DNAH10: variants seen among roughly 807,000 people sequenced by gnomAD.
The protein encoded by DNAH10 is dynein axonemal heavy chain 10.
A neutral mutation model predicts 506.6 loss-of-function variants in DNAH10; 348 were observed. The observed-to-expected ratio is 0.69, with a 90% CI of 0.63 to 0.75. DNAH10 has a LOEUF of 0.75. Ranked by LOEUF, DNAH10 falls within the 30% of genes least tolerant of loss-of-function variation. The pLI, the probability that DNAH10 is intolerant of heterozygous loss-of-function variation, is 0.00. For missense variants in DNAH10, 5,179 were observed against 5,787.1 expected, an observed-to-expected ratio of 0.89 and a Z score of 3.41; for synonymous variants, 2,059 against 2,198.6, an observed-to-expected ratio of 0.94 and a Z score of 1.78.
Position 123,762,558 on chromosome 12 carries a change from T to C in DNAH10, c.214+8T>C. The C allele has an allele frequency of 6.5e-7, 1 of 1,549,304 alleles. No individual in the cohort carries two copies. The highest frequency in any genetic ancestry group is 8.7e-7 in the Non-Finnish European group (1 of 1,148,452). ...AGGTGGAGGTGGAGATTGGTGAGCC[T>C]CGACGCGCCGCTCCCTTCCCCGGGC... On this transcript the variant is annotated splice_region_variant and intron_variant, in intron 1 of 78. Transcript: ENST00000673944. The surrounding 1 kb of genome is among the most constrained non-coding windows in gnomAD (Gnocchi z 5.0).
At chr12:123,795,246 A>T (rs1188935104) in intron 12 of DNAH10, among the ~76,000 whole-genome samples, 1 of 152,058 alleles carries the variant, frequency 6.6e-6, no homozygotes, top group Non-Finnish European at 1.5e-5. Flanking sequence ...AAGGTAGTAT[A>T]AAAAAAGGCC....
rs1221333769 is a variant in DNAH10, at chr12:123,848,768, G to C, written c.5988G>C (p.Gly1996=). 6.2e-7 allele frequency: 1 copy of C among 1,613,862 alleles called. No homozygotes were observed. Among genetic ancestry groups the C allele is most frequent in the Non-Finnish European group, 8.5e-7 (1 of 1,179,888 alleles). Residue 1996 remains glycine (G), a synonymous_variant, in exon 34 of 79, where the codon GGG becomes GGC. Coordinates refer to ENST00000673944, the MANE Select transcript of DNAH10 (RefSeq NM_001372106.1). The part of the protein sequence containing the change: ...GKIFSGLAQC[G]AWGCFDEFNR... ...TTTTCTCTGGCCTGGCACAGTGCGG[G>C]GCTTGGGGCTGCTTTGATGAGTTTA...
intron 2 of DNAH10, among the ~76,000 whole-genome samples, chr12:123,770,416 A>G (rs1486141172): frequency 6.7e-6 from 1 of 148,912 alleles, no homozygotes; most frequent in Non-Finnish European, 1.5e-5. Context: ...ATTAGAGACT[A>G]CTCTAATGCT....
In DNAH10 at chr12:123,928,844, A is replaced by T; in HGVS notation, c.12306+257A>T. On this transcript the variant is annotated intron_variant, in intron 70 of 78. Transcript: ENST00000673944. This position sits in a 1 kb window ranked among gnomAD's most constrained non-coding sequence, Gnocchi z 4.9. ...CCTAACAATATCTACGCTACTTTTCATAAACTTCACGGCCCCCCCCCCCAC... is the reference window on the plus strand; with the variant it reads ...CCTAACAATATCTACGCTACTTTTCTTAAACTTCACGGCCCCCCCCCCCAC... The T allele has an allele frequency of 1.9e-6, 1 of 514,676 alleles. No homozygotes were observed. Among genetic ancestry groups the T allele is most frequent in the South Asian group, 2.7e-5 (1 of 36,496 alleles). 31.9% of individuals were successfully genotyped at this position (514,676 alleles called of 1,614,324 possible). A position where few individuals can be genotyped will look rare whatever the true frequency, so the allele number is the denominator to read the frequency against.
rs912242569 is a variant in DNAH10 at position 123,853,940 on chromosome 12, GCACA to G, written c.6438+599_6438+602del. On this transcript the variant is annotated intron_variant, in intron 36 of 78. Transcript: ENST00000673944. The surrounding 1 kb of genome is among the most constrained non-coding windows in gnomAD (Gnocchi z 4.7). ...TACGCACACGCACGCACACGCACAC[GCACA>G]CACACACACATTTGGGTAGTAAAAA... 4.7e-5 allele frequency among the ~76,000 whole-genome samples: 7 copies of G among 149,358 alleles called. No individual in the cohort carries two copies. The highest frequency in any genetic ancestry group is 9.9e-5 in the African/African-American group (4 of 40,560).
chr12:123,918,286 T>C (rs1836076717), intron 64 of DNAH10, among the ~76,000 whole-genome samples: 1 of 152,230 alleles, frequency 6.6e-6, no homozygotes, highest in African/African-American at 2.4e-5. Context: ...ATCTTCCTGT[T>C]CCTACCGTGA....
At chr12:123,809,212 A>G (rs575979796) in intron 19 of DNAH10, among the ~76,000 whole-genome samples, 1 of 152,116 alleles carries the variant, frequency 6.6e-6, no homozygotes, top group South Asian at 2.1e-4. Flanking sequence ...AGTCCTCCAA[A>G]CATACTTCCC....
intron 25 of DNAH10, among the ~76,000 whole-genome samples, chr12:123,829,330 C>T (rs543291534): frequency 6.6e-5 from 10 of 151,886 alleles, no homozygotes; most frequent in Admixed American, 3.9e-4. Flanking sequence ...GGCCTTCCAA[C>T]GTCAAAAAGG....
At chr12:123,884,550 G>T (rs1952646966) in intron 51 of DNAH10, among the ~76,000 whole-genome samples, 1 of 152,188 alleles carries the variant, frequency 6.6e-6, no homozygotes, top group Non-Finnish European at 1.5e-5. Flanking sequence ...TACATGGATG[G>T]ATGACAGCAC....
In DNAH10 at chr12:123,850,846, G is replaced by A; in HGVS notation, c.6103-42G>A. 2.5e-6 allele frequency: 4 copies of A among 1,570,552 alleles called. No individual in the cohort carries two copies. The highest frequency in any genetic ancestry group is 1.2e-5 in the South Asian group (1 of 85,442). On this transcript the variant is annotated intron_variant, in intron 34 of 78. Coordinates refer to ENST00000673944, the MANE Select transcript of DNAH10 (RefSeq NM_001372106.1). The surrounding 1 kb of genome is among the most constrained non-coding windows in gnomAD (Gnocchi z 5.5). ...CCTTTCCAAGGGGCTGGCCGGCCGG[G>A]CCACCTAACTGCTTCTTTCTTTCTT...
chr12:123,917,556 G>A lies in DNAH10; in HGVS notation c.11003-28G>A, dbSNP rs1954536866. 1 of 1,542,814 alleles carries A rather than the reference G, an allele frequency of 6.5e-7. No homozygotes were observed. The highest frequency in any genetic ancestry group is 8.8e-7 in the Non-Finnish European group (1 of 1,140,810). ...GAGACTGTTGTTGGGGGCCGCAGGT[G>A]GTGAGGGCCTCTCACTGTCCCCCAC... On this transcript the variant is annotated intron_variant, in intron 63 of 78. Transcript: ENST00000673944. This position sits in a 1 kb window ranked among gnomAD's most constrained non-coding sequence, Gnocchi z 5.6.
intron 72 of DNAH10, 105 bp downstream of exon 72, chr12:123,929,864 C>T (rs1210514405): frequency 1.0e-6 from 1 of 974,696 alleles, no homozygotes; most frequent in East Asian, 2.6e-5. Flanking sequence ...TCTTCTGCCC[C>T]TGTGTTCCCC....
At position 123,846,252 on chromosome 12, in the gene DNAH10, G is replaced by A. The variant is rs1950947416; in HGVS notation, c.5814+98G>A. On this transcript the variant is annotated intron_variant, in intron 32 of 78. Transcript: ENST00000673944. The surrounding 1 kb of genome is among the most constrained non-coding windows in gnomAD (Gnocchi z 4.5). ...ATGACTGCAGTGATTGAAATAGCAG[G>A]GGAGATCATTGCTTTGAAATCTCGA... 1 of 1,365,950 alleles carries A rather than the reference G, an allele frequency of 7.3e-7. No individual in the cohort carries two copies. Among genetic ancestry groups the A allele is most frequent in the African/African-American group, 1.5e-5 (1 of 68,642 alleles). The allele number at this position is 1,365,950 out of a possible 1,614,324, so 84.6% of individuals were successfully genotyped here.
chr12:123,891,829 G>A (rs1411156389), intron 52 of DNAH10, among the ~76,000 whole-genome samples: 1 of 152,204 alleles, frequency 6.6e-6, no homozygotes, highest in Non-Finnish European at 1.5e-5. Context: ...AGGACACAGA[G>A]CAACATCAGC....
chr12:123,814,677 T>G (rs187328398), intron 21 of DNAH10, among the ~76,000 whole-genome samples: 2 of 149,232 alleles, frequency 1.3e-5, no homozygotes, highest in East Asian at 2.0e-4. Context: ...TGCAGTGGCA[T>G]GATCTCGGCT....
chr12:123,934,104 G>T, intron 77 of DNAH10: 1 of 611,282 alleles, frequency 1.6e-6, no homozygotes, highest in Non-Finnish European at 3.0e-6. Flanking sequence ...AGTGGCAGGG[G>T]AGGTGGCAGG....
intron 45 of DNAH10, among the ~76,000 whole-genome samples, chr12:123,872,345 G>A (rs1166086141): frequency 1.3e-5 from 2 of 152,118 alleles, no homozygotes; most frequent in African/African-American, 4.8e-5. Flanking sequence ...TGCACAGGGA[G>A]CATGGCAGTG....
At chr12:123,880,189 G>T (rs975995598) in intron 50 of DNAH10, among the ~76,000 whole-genome samples, 40 of 152,146 alleles carry the variant, frequency 2.6e-4, no homozygotes, top group African/African-American at 9.4e-4. Context: ...AATCTCGATT[G>T]TGAAAGCTAG....
At chr12:123,830,777 T>C in intron 26 of DNAH10, 78 bp downstream of exon 26, 1 of 1,315,606 alleles carries the variant, frequency 7.6e-7, no homozygotes, top group Non-Finnish European at 1.0e-6. Flanking sequence ...AACTCATCTA[T>C]ACTAAAAAAA....
Sources: allele counts gnomAD v4.1 joint callset (sites outside exome capture counted in the v4.1 genomes callset), GRCh38; gene constraint gnomAD v4.1.1; non-coding constraint Gnocchi (gnomAD v3.1); transcripts MANE v1.5; gene names NCBI Gene and HGNC (gene_info 2026-07-23, HGNC 2026-07-21).